The following OSBPL9 variants were observed in gnomAD, a reference collection of about 807,000 sequenced individuals.
OSBPL9 encodes oxysterol-binding protein-related protein 9.
OSBPL9 carries 40 observed loss-of-function variants against 106.6 expected under a neutral mutation model. The ratio of observed to expected loss-of-function variants is 0.38; its 90% confidence interval spans 0.29 to 0.49. OSBPL9 has a LOEUF of 0.49. Among genes scored for constraint, OSBPL9 ranks in the 20% least tolerant of loss-of-function variants. The pLI is 0.97. For missense variants in OSBPL9, 609 were observed against 887.2 expected (o/e 0.69, Z 3.98); for synonymous variants, 269 against 295.4 (o/e 0.91, Z 0.92).
At chr1:51,787,151 T>G (rs1344322877) in intron 22 of OSBPL9, among the ~76,000 whole-genome samples, 1 of 152,210 alleles carries the variant, frequency 6.6e-6, no homozygotes, top group Non-Finnish European at 1.5e-5. Flanking sequence ...AGGCAGCCCT[T>G]ATTTCCTTCT....
chr1:51,536,851 A>T, the OSBPL9 span, among the ~76,000 whole-genome samples: 9 of 152,310 alleles, frequency 5.9e-5, no homozygotes, highest in East Asian at 1.7e-3. Context: ...ACGTGGTGTC[A>T]CTTGGTCCCA....
chr1:51,722,197 A>T (rs927947971), intron 4 of OSBPL9, among the ~76,000 whole-genome samples: 4 of 151,294 alleles, frequency 2.6e-5, no homozygotes, highest in African/African-American at 9.8e-5. Context: ...ATAGATAGAT[A>T]GATAGATAGA....
chr1:51,675,406 G>A (rs1269447292), intron 3 of OSBPL9, among the ~76,000 whole-genome samples: 1 of 113,812 alleles, frequency 8.8e-6, no homozygotes, highest in Non-Finnish European at 2.0e-5. Flanking sequence ...ATGGGGTTGA[G>A]TGTGTGTGTG....
At chr1:51,744,613 A>G (rs1031117979) in intron 4 of OSBPL9, among the ~76,000 whole-genome samples, 2 of 152,164 alleles carry the variant, frequency 1.3e-5, no homozygotes, top group Admixed American at 1.3e-4. Context: ...CAAGTGTGAG[A>G]TGGGTATGTT....
the OSBPL9 span, among the ~76,000 whole-genome samples, chr1:51,557,326 A>T: frequency 6.6e-6 from 1 of 152,192 alleles, no homozygotes; most frequent in Non-Finnish European, 1.5e-5. Flanking sequence ...TTCCTTCTGC[A>T]TCTTTAAGAT....
At chr1:51,589,529 T>C (rs1207930202) in intron 1 of OSBPL9, among the ~76,000 whole-genome samples, 1 of 152,080 alleles carries the variant, frequency 6.6e-6, no homozygotes, top group Non-Finnish European at 1.5e-5. Flanking sequence ...GAATAATATT[T>C]GATAGGGCAA....
chr1:51,617,292 GT>G, intron 1 of OSBPL9, 71 bp downstream of exon 1: 2 of 1,457,222 alleles, frequency 1.4e-6, no homozygotes, highest in Non-Finnish European at 1.9e-6. Context: ...GGGGACCGGG[GT>G]TTTAGGTGGC....
At chr1:51,553,748 G>T in the OSBPL9 span, among the ~76,000 whole-genome samples, 18 of 151,892 alleles carry the variant, frequency 1.2e-4, no homozygotes, top group South Asian at 6.3e-4. Flanking sequence ...GGCGCATCTC[G>T]GCTCACTGCA....
chr1:51,652,002 A>G lies in OSBPL9; in HGVS notation c.123A>G (p.Lys41=), dbSNP rs1302140836. The G allele has an allele frequency of 6.2e-7, 1 of 1,608,820 alleles. No individual in the cohort carries two copies. Among genetic ancestry groups the G allele is most frequent in the East Asian group, 2.2e-5 (1 of 44,680 alleles). ...TGTTTTTCTTTTAGTCCAAGGACAA[A>G]ATGATGAGAGGCTCTCGCAGAGGAT... ...GLLSYYTSKD[K]MMRGSRRGCV... Residue 41 remains lysine, a synonymous_variant, in exon 2 of 24, where the codon AAA becomes AAG. Transcript: ENST00000428468.
chr1:51,617,291 G>C, intron 1 of OSBPL9, 70 bp downstream of exon 1: 1 of 1,457,644 alleles, frequency 6.9e-7, no homozygotes, highest in Non-Finnish European at 9.3e-7. Context: ...GGGGGACCGG[G>C]GTTTTAGGTG....
At chr1:51,733,170 G>A (rs1664846534) in intron 4 of OSBPL9, among the ~76,000 whole-genome samples, 1 of 152,126 alleles carries the variant, frequency 6.6e-6, no homozygotes, top group African/African-American at 2.4e-5. Flanking sequence ...AAGTTGTATT[G>A]TAAATTTTTA....
chr1:51,603,165 C>CA (rs140160724), intron 2 of OSBPL9, among the ~76,000 whole-genome samples: 8 of 151,498 alleles, frequency 5.3e-5, no homozygotes, highest in East Asian at 3.9e-4. Flanking sequence ...AAAACAAAAA[C>CA]AAAAAAAACA....
At chr1:51,526,162 C>G in the OSBPL9 span, among the ~76,000 whole-genome samples, 1 of 152,240 alleles carries the variant, frequency 6.6e-6, no homozygotes, top group Non-Finnish European at 1.5e-5. Flanking sequence ...CAGGGGTGAA[C>G]AACTGCACTC....
chr1:51,526,279 A>G, the OSBPL9 span, among the ~76,000 whole-genome samples: 1 of 152,208 alleles, frequency 6.6e-6, no homozygotes, highest in African/African-American at 2.4e-5. Context: ...CCGTGGGTAA[A>G]GTATGTGTCA....
intron 1 of OSBPL9, among the ~76,000 whole-genome samples, chr1:51,649,688 A>C (rs1319222927): frequency 6.8e-6 from 1 of 146,342 alleles, no homozygotes; most frequent in Non-Finnish European, 1.5e-5. Flanking sequence ...AGCCTTCTGG[A>C]GTCCACAGCA....
At chr1:51,711,521 C>T (rs1371105640) in intron 3 of OSBPL9, among the ~76,000 whole-genome samples, 31 of 133,240 alleles carry the variant, frequency 2.3e-4, no homozygotes, top group East Asian at 1.1e-3. Context: ...GCTGACCCCC[C>T]ACCTCCCTCC....
intron 20 of OSBPL9, chr1:51,785,547 A>G: frequency 4.4e-6 from 2 of 459,004 alleles, no homozygotes; most frequent in East Asian, 4.4e-5. Context: ...GGAATTTGCC[A>G]ACTCTGTTAT....
the OSBPL9 span, among the ~76,000 whole-genome samples, chr1:51,520,952 T>C: frequency 1.3e-5 from 2 of 152,250 alleles, no homozygotes; most frequent in Non-Finnish European, 2.9e-5. Context: ...TTACTTCACT[T>C]TGGTACACTT....
intron 1 of OSBPL9, among the ~76,000 whole-genome samples, chr1:51,594,031 C>T (rs2148602106): frequency 1.3e-5 from 2 of 152,020 alleles, no homozygotes; most frequent in South Asian, 4.1e-4. Context: ...CTCTGAAGTT[C>T]ATGAGGCATT....
Sources: allele counts gnomAD v4.1 joint callset (sites outside exome capture counted in the v4.1 genomes callset), GRCh38; gene constraint gnomAD v4.1.1; transcripts MANE v1.5; gene names NCBI Gene and HGNC (gene_info 2026-07-23, HGNC 2026-07-21).